The following ATG7 variants were observed in gnomAD, a reference collection of about 807,000 sequenced individuals.
ATG7 encodes the protein autophagy related 7.
Under a neutral mutation model 82.4 loss-of-function variants are expected in ATG7, and 70 were observed. The observed-to-expected ratio is 0.85, with a 90% CI of 0.70 to 1.04. ATG7 has a LOEUF of 1.04. Among genes scored for constraint, ATG7 ranks in the 50% least tolerant of loss-of-function variants. The probability of loss-of-function intolerance (pLI) is 0.00; values close to 1 mark genes in which losing one functional copy is unlikely to be tolerated. For missense variants in ATG7, 792 were observed against 864.3 expected (o/e 0.92, Z 1.05); for synonymous variants, 287 against 313.0 (o/e 0.92, Z 0.88).
At chr3:11,543,629 G>A (rs1279472522) in intron 20 of ATG7, among the ~76,000 whole-genome samples, 1 of 152,238 alleles carries the variant, frequency 6.6e-6, no homozygotes, top group Non-Finnish European at 1.5e-5. Flanking sequence ...GCTGGCCGCG[G>A]TGGCTCATGC....
At chr3:11,559,527 A>G, downstream of ATG7, 1 of 1,461,750 alleles carries the variant, frequency 6.8e-7, no homozygotes, top group Non-Finnish European at 9.1e-7. Context: ...GGCCCTCCCC[A>G]GCACCCTTCA....
At chr3:11,407,290 C>G (rs1006126402) in intron 19 of ATG7, among the ~76,000 whole-genome samples, 2 of 152,188 alleles carry the variant, frequency 1.3e-5, no homozygotes, top group African/African-American at 4.8e-5. Context: ...CATGCTGATG[C>G]AAGAGGTGGG....
At chr3:11,344,784 G>A (rs556502298) in intron 13 of ATG7, among the ~76,000 whole-genome samples, 1 of 152,250 alleles carries the variant, frequency 6.6e-6, no homozygotes, top group South Asian at 2.1e-4. Context: ...TGGAAGGATT[G>A]CCTCAGACCA....
rs187148771 is a variant in ATG7 at position 11,340,637 on chromosome 3, G to T, written c.890-8G>T. ...CTTCATTAAACTTTGTGTTTTATTT[G>T]CCTTAAGATTGTCCTAAAGCAGTTG... On this transcript the variant is annotated splice_polypyrimidine_tract_variant and splice_region_variant and intron_variant, in intron 11 of 20. Coordinates refer to ENST00000693202, the MANE Select transcript of ATG7 (RefSeq NM_001349232.2). 2.6e-3 allele frequency: 4,201 copies of T among 1,610,240 alleles called. 178 individuals carry two copies. In the Admixed American group the frequency reaches 0.068, roughly 26 times the overall value.
the ATG7 span, among the ~76,000 whole-genome samples, chr3:11,573,327 GAAAGAAAGA>G: frequency 2.5e-5 from 1 of 39,478 alleles, no homozygotes; most frequent in East Asian, 8.1e-4. Context: ...AAGAAAGAAA[GAAAGAAAGA>G]AAGAAAGAAA....
intron 19 of ATG7, among the ~76,000 whole-genome samples, chr3:11,411,619 C>CAAAAAAAAAAAAAAAAAAA (rs71055868): frequency 2.8e-5 from 2 of 71,766 alleles, no homozygotes; most frequent in South Asian, 4.9e-4. Flanking sequence ...ACTCTGTCTC[C>CAAAAAAAAAAAAAAAAAAA]AAAAAAAAAA....
chr3:11,511,404 C>A (rs1019967383), intron 20 of ATG7, among the ~76,000 whole-genome samples: 8 of 152,230 alleles, frequency 5.3e-5, no homozygotes, highest in Non-Finnish European at 1.2e-4. Flanking sequence ...CAGCTAGATA[C>A]AGAGTGTCGA....
intron 20 of ATG7, among the ~76,000 whole-genome samples, chr3:11,505,716 C>G (rs2091663350): frequency 6.6e-6 from 1 of 152,180 alleles, no homozygotes; most frequent in Non-Finnish European, 1.5e-5. Context: ...AGTCCCTAAA[C>G]CCTAGGGCCA....
chr3:11,439,313 C>G lies in ATG7; in HGVS notation c.2079+12387C>G, dbSNP rs544862138. 5.9e-5 allele frequency among the ~76,000 whole-genome samples: 9 copies of G among 152,204 alleles called. No individual in the cohort carries two copies. The East Asian group carries it at 1.7e-3, about 29-fold the overall frequency. On this transcript the variant is annotated intron_variant, in intron 20 of 20. Transcript: ENST00000693202. ...CGAACTCCTTACCTCAAATGATCTG[C>G]CCGTCTCAGCCTCAGAAAGTGCTGG... is the stretch of plus-strand genomic sequence containing the variant.
intron 9 of ATG7, 80 bp from the exon 10 acceptor site, chr3:11,331,260 A>G (rs1436890077): frequency 1.7e-6 from 2 of 1,159,924 alleles, no homozygotes; most frequent in East Asian, 2.3e-5. Flanking sequence ...ATAAAAAAGC[A>G]AAGAGGAAGT....
intron 19 of ATG7, among the ~76,000 whole-genome samples, chr3:11,412,109 A>AG (rs1313203173): frequency 6.6e-6 from 1 of 152,108 alleles, no homozygotes; most frequent in Non-Finnish European, 1.5e-5. Context: ...CCAAGGAGAT[A>AG]GGAGCTCAGT....
chr3:11,491,348 T>C (rs1218912100), intron 20 of ATG7, among the ~76,000 whole-genome samples: 2 of 152,168 alleles, frequency 1.3e-5, no homozygotes, highest in African/African-American at 2.4e-5. Context: ...CTTCTCTGTA[T>C]TGGTTATTCT....
At chr3:11,391,703 C>G (rs1429861358) in intron 19 of ATG7, among the ~76,000 whole-genome samples, 1 of 152,176 alleles carries the variant, frequency 6.6e-6, no homozygotes, top group African/African-American at 2.4e-5. Flanking sequence ...TTGGTTTAAT[C>G]TTTTCAAGTG....
At chr3:11,526,278 C>T (rs1458342168) in intron 20 of ATG7, among the ~76,000 whole-genome samples, 1 of 152,078 alleles carries the variant, frequency 6.6e-6, no homozygotes, top group Non-Finnish European at 1.5e-5. Flanking sequence ...GTAATCCCAG[C>T]TACTCAGGTG....
At chr3:11,414,062 T>TTTTTG (rs987403966) in intron 19 of ATG7, among the ~76,000 whole-genome samples, 10 of 152,178 alleles carry the variant, frequency 6.6e-5, no homozygotes, top group South Asian at 4.2e-4. Flanking sequence ...ATAATGGAGT[T>TTTTTG]TTTTGTTTTG....
In ATG7 at chr3:11,420,441, T is replaced by C. The variant is rs532452355; in HGVS notation, c.1957-6363T>C. On this transcript the variant is annotated intron_variant, in intron 19 of 20. Transcript: ENST00000693202. ...TATCTGTGGAAACATACAATCTGAA[T>C]GTTTAACTGGAGTCTAACAAAGTAT... 1.2e-4 allele frequency among the ~76,000 whole-genome samples: 18 copies of C among 152,348 alleles called. No homozygotes were observed. In the South Asian group the frequency reaches 3.5e-3, roughly 30 times the overall value.
intron 18 of ATG7, 133 bp from the exon 19 acceptor site, chr3:11,379,839 T>G (rs1267296323): frequency 2.4e-6 from 2 of 824,282 alleles, no homozygotes; most frequent in Non-Finnish European, 4.0e-6. Flanking sequence ...ATTTCGAACT[T>G]ATTTTTGCTC....
chr3:11,305,092 T>C (rs955792959), intron 5 of ATG7, among the ~76,000 whole-genome samples: 2 of 152,212 alleles, frequency 1.3e-5, no homozygotes, highest in Non-Finnish European at 2.9e-5. Flanking sequence ...TTCATGTAAG[T>C]GGAACCATAG....
chr3:11,369,527 A>G (rs1301662352), intron 18 of ATG7, among the ~76,000 whole-genome samples: 4 of 151,092 alleles, frequency 2.6e-5, no homozygotes, highest in Non-Finnish European at 4.4e-5. Flanking sequence ...GTTGAGTTCC[A>G]TTTGCGTTTG....
Sources: allele counts gnomAD v4.1 joint callset (sites outside exome capture counted in the v4.1 genomes callset), GRCh38; gene constraint gnomAD v4.1.1; transcripts MANE v1.5; gene names NCBI Gene and HGNC (gene_info 2026-07-23, HGNC 2026-07-21).